PSD3: variants seen among roughly 807,000 people sequenced by gnomAD.
PSD3 encodes PH and SEC7 domain-containing protein 3.
In PSD3, 49 loss-of-function variants were observed where a neutral mutation model predicts 105.5. The ratio of observed to expected loss-of-function variants is 0.46; its 90% confidence interval spans 0.37 to 0.59. PSD3 has a LOEUF of 0.59. Among genes scored for constraint, PSD3 ranks in the 20% least tolerant of loss-of-function variants. PSD3 has a pLI of 0.00. For missense variants in PSD3, 1,561 were observed against 1,263.8 expected (o/e 1.24, Z -3.57); for synonymous variants, 557 against 457.8 (o/e 1.22, Z -2.77).
chr8:18,841,735 C>A (rs1485781707), intron 4 of PSD3, among the ~76,000 whole-genome samples: 5 of 152,124 alleles, frequency 3.3e-5, no homozygotes, highest in Admixed American at 6.6e-5. Flanking sequence ...CATGAATGAA[C>A]CATCTTCAGG....
upstream of PSD3, among the ~76,000 whole-genome samples, chr8:19,018,242 T>G (rs987224132): frequency 6.6e-6 from 1 of 152,238 alleles, no homozygotes; most frequent in African/African-American, 2.4e-5. Context: ...ATAATAACAT[T>G]TACACTTTTA....
At position 18,904,424 on chromosome 8, in the gene PSD3, C is replaced by G. The variant is rs113910987; in HGVS notation, c.130+31610G>C. On this transcript the variant is annotated intron_variant, in intron 2 of 15. Transcript: ENST00000327040. ...AAGATGGGGCTGCCCAAGGCTTCAG[C>G]GGATCACCCTTTGTACCAGTGTACC... Among the ~76,000 whole-genome samples, 1,181 of 152,248 alleles carry G rather than the reference C, an allele frequency of 7.8e-3. 15 individuals carry two copies. The highest frequency in any genetic ancestry group is 0.027 in the African/African-American group (1,130 of 41,542).
chr8:18,674,889 TACTC>T (rs1401794034), intron 9 of PSD3, among the ~76,000 whole-genome samples: 2 of 152,044 alleles, frequency 1.3e-5, no homozygotes, highest in African/African-American at 4.8e-5. Context: ...TGTGCCTAGT[TACTC>T]AGGAAGTGGA....
chr8:18,951,244 A>T (rs115601832), intron 1 of PSD3, among the ~76,000 whole-genome samples: 1,692 of 152,206 alleles, frequency 0.011, 32 homozygotes, highest in African/African-American at 0.038. Flanking sequence ...AAAATTTAAA[A>T]AATAGCCAGG....
intron 1 of PSD3, among the ~76,000 whole-genome samples, chr8:19,052,358 G>T (rs1322214663): frequency 6.6e-6 from 1 of 151,712 alleles, no homozygotes; most frequent in African/African-American, 2.4e-5. Context: ...TGTAGTCCCA[G>T]CTACTCAGGA....
chr8:19,039,351 A>G (rs1239537086), intron 1 of PSD3, among the ~76,000 whole-genome samples: 1 of 152,170 alleles, frequency 6.6e-6, no homozygotes, highest in African/African-American at 2.4e-5. Flanking sequence ...AGCACATGAT[A>G]TCTGTATCTG....
chr8:18,656,834 C>T (rs1280528894), intron 9 of PSD3, among the ~76,000 whole-genome samples: 2 of 152,194 alleles, frequency 1.3e-5, no homozygotes, highest in African/African-American at 4.8e-5. Context: ...ATTCTCCTGC[C>T]TCAGCTTCCT....
chr8:18,711,264 A>G (rs1802234369), intron 9 of PSD3, among the ~76,000 whole-genome samples: 1 of 152,206 alleles, frequency 6.6e-6, no homozygotes, highest in African/African-American at 2.4e-5. Context: ...CATCATGATG[A>G]CAGGATCAAA....
chr8:19,034,884 C>G (rs1464418834), intron 1 of PSD3, among the ~76,000 whole-genome samples: 2 of 152,142 alleles, frequency 1.3e-5, no homozygotes, highest in African/African-American at 4.8e-5. Context: ...TCTCCCTGCC[C>G]TCCCTCTGCA....
At chr8:18,555,008 G>A (rs900889685) in intron 15 of PSD3, among the ~76,000 whole-genome samples, 21 of 152,178 alleles carry the variant, frequency 1.4e-4, no homozygotes, top group African/African-American at 4.3e-4. Context: ...TTGTGGAAAC[G>A]TGGAGACGCC....
At chr8:18,953,181 G>C (rs1823352046) in intron 1 of PSD3, among the ~76,000 whole-genome samples, 1 of 152,126 alleles carries the variant, frequency 6.6e-6, no homozygotes, top group Non-Finnish European at 1.5e-5. Context: ...ACCCACAATA[G>C]TGGCAATGAT....
At chr8:18,755,348 T>G (rs1462504677) in intron 9 of PSD3, among the ~76,000 whole-genome samples, 1 of 152,050 alleles carries the variant, frequency 6.6e-6, no homozygotes, top group East Asian at 1.9e-4. Context: ...GAGAATCGCC[T>G]GAACCTAGGA....
chr8:18,679,208 C>T (rs1368184382), intron 9 of PSD3, among the ~76,000 whole-genome samples: 5 of 152,166 alleles, frequency 3.3e-5, no homozygotes, highest in Admixed American at 6.5e-5. Context: ...AACTTCAGGT[C>T]GCAAAGGGCC....
chr8:18,888,484 G>GAAA (rs796652851), intron 2 of PSD3, among the ~76,000 whole-genome samples: 3 of 139,752 alleles, frequency 2.1e-5, no homozygotes, highest in African/African-American at 7.8e-5. Context: ...ATTTCCATCT[G>GAAA]AAAAAAAAAA....
intron 1 of PSD3, among the ~76,000 whole-genome samples, chr8:19,025,751 A>C (rs1232133616): frequency 1.3e-5 from 2 of 152,206 alleles, no homozygotes. Flanking sequence ...ATCATGTCAT[A>C]ATTTCAGGAT....
Position 18,804,918 on chromosome 8 carries a change from G to C in PSD3, c.1635-20C>G, listed in dbSNP as rs189064915. ...GCATTGCTATGATAATTGATAAAGA[G>C]AGAAAATAATAGATTTTTCTTATAT... On this transcript the variant is annotated intron_variant, in intron 4 of 15. Coordinates refer to ENST00000327040, the MANE Select transcript of PSD3 (RefSeq NM_015310.4). 8 of 1,545,110 alleles carry C rather than the reference G, an allele frequency of 5.2e-6. No individual in the cohort carries two copies. The highest frequency in any genetic ancestry group is 4.5e-5 in the East Asian group (2 of 44,504).
chr8:18,911,872 A>C (rs571819473), intron 2 of PSD3, among the ~76,000 whole-genome samples: 1 of 152,300 alleles, frequency 6.6e-6, no homozygotes, highest in African/African-American at 2.4e-5. Context: ...AAATTAAGAA[A>C]AATATCTTAC....
upstream of PSD3, among the ~76,000 whole-genome samples, chr8:19,017,446 T>C (rs1827214359): frequency 6.6e-6 from 1 of 152,150 alleles, no homozygotes; most frequent in Non-Finnish European, 1.5e-5. Flanking sequence ...ATTTAAAGAG[T>C]ACAAATCAAT....
intron 4 of PSD3, among the ~76,000 whole-genome samples, chr8:18,866,866 C>T (rs868385175): frequency 2.0e-5 from 3 of 150,012 alleles, no homozygotes; most frequent in African/African-American, 7.5e-5. Flanking sequence ...TAACACCTCC[C>T]ACCAGCTCCA....
Sources: gnomAD v4.1 joint callset for allele counts (sites outside exome capture counted in the v4.1 genomes callset) on GRCh38, gnomAD v4.1.1 for gene constraint, MANE v1.5 for transcripts, NCBI Gene and HGNC (gene_info 2026-07-23, HGNC 2026-07-21) for gene names.